Variants in PRELID2 observed in about 807,000 individuals in gnomAD.
The protein encoded by PRELID2 is PRELI domain-containing protein 2.
Under a neutral mutation model 28.4 loss-of-function variants are expected in PRELID2, and 25 were observed. The ratio of observed to expected loss-of-function variants is 0.88; its 90% confidence interval spans 0.64 to 1.23. The LOEUF (loss-of-function observed/expected upper bound fraction) is 1.23. PRELID2 is among the 50% of genes most tolerant of loss of function. The probability of loss-of-function intolerance (pLI) is 0.00; values close to 1 mark genes in which losing one functional copy is unlikely to be tolerated. For missense variants in PRELID2, 201 were observed against 214.4 expected (o/e 0.94, Z 0.39); for synonymous variants, 76 against 71.6 (o/e 1.06, Z -0.31).
chr5:145,248,745 C>T, the PRELID2 span, among the ~76,000 whole-genome samples: 2 of 151,770 alleles, frequency 1.3e-5, no homozygotes, highest in East Asian at 3.9e-4. Flanking sequence ...TGCAGTGAAC[C>T]GAGATCTCAC....
the PRELID2 span, among the ~76,000 whole-genome samples, chr5:145,298,677 A>C: frequency 6.6e-6 from 1 of 152,106 alleles, no homozygotes; most frequent in African/African-American, 2.4e-5. Context: ...GTACGTGTCA[A>C]GACAAATGCC....
the PRELID2 span, among the ~76,000 whole-genome samples, chr5:145,445,416 T>G: frequency 6.6e-6 from 1 of 152,028 alleles, no homozygotes; most frequent in Admixed American, 6.6e-5. Flanking sequence ...GAACTGAAAC[T>G]ATGAAACTAC....
the PRELID2 span, among the ~76,000 whole-genome samples, chr5:145,362,124 C>T: frequency 1.3e-5 from 2 of 152,270 alleles, no homozygotes; most frequent in Non-Finnish European, 1.5e-5. Flanking sequence ...TTGTTTAGTG[C>T]TGTGCTTATC....
chr5:145,826,275 A>G (rs77787203), intron 1 of PRELID2: 25,659 of 685,600 alleles, frequency 0.037, 544 homozygotes, highest in Non-Finnish European at 0.041. Flanking sequence ...GCAGGTTCAC[A>G]TGGGATTCTT....
intron 3 of PRELID2, 88 bp downstream of exon 3, chr5:145,819,857 C>T: frequency 1.2e-6 from 1 of 808,352 alleles, no homozygotes; most frequent in South Asian, 1.5e-5. Context: ...TTCTAACGCT[C>T]CTTTACATCA....
intron 1 of PRELID2, among the ~76,000 whole-genome samples, chr5:145,742,916 C>A (rs140495569): frequency 6.6e-6 from 1 of 152,072 alleles, no homozygotes; most frequent in Non-Finnish European, 1.5e-5. Flanking sequence ...TCACTAAAAA[C>A]CAGGCAGGAT....
the PRELID2 span, among the ~76,000 whole-genome samples, chr5:145,297,106 G>A: frequency 7.2e-4 from 109 of 152,124 alleles, no homozygotes; most frequent in Middle Eastern, 6.8e-3. Context: ...TTTGTCAGAT[G>A]AGTAGGTTGC....
At position 145,684,286 on chromosome 5, in the gene PRELID2, A is replaced by G. The variant is rs137883423; in HGVS notation, n.70+80645T>C. On this transcript the variant is annotated intron_variant and non_coding_transcript_variant, in intron 1 of 2. Coordinates refer to the PRELID2 transcript ENST00000510259. ...GGTTCTAGTCCAGGCTCAACAAACC[A>G]ATCTGAACTTTTACGCAATCAGAAT... Among the ~76,000 whole-genome samples the G allele has an allele frequency of 3.0e-3, 457 of 152,302 alleles. 2 individuals are homozygous for G. Among genetic ancestry groups the G allele is most frequent in the African/African-American group, 0.011 (442 of 41,584 alleles).
At chr5:145,301,694 T>C in the PRELID2 span, among the ~76,000 whole-genome samples, 1 of 152,154 alleles carries the variant, frequency 6.6e-6, no homozygotes, top group Non-Finnish European at 1.5e-5. Flanking sequence ...TGGTGTGAAG[T>C]AGGAGTTAAG....
At chr5:145,592,154 C>T (rs1489842686) in intron 1 of PRELID2, among the ~76,000 whole-genome samples, 5 of 152,272 alleles carry the variant, frequency 3.3e-5, no homozygotes, top group East Asian at 3.9e-4. Context: ...CGGTGGCTCA[C>T]GCCTGTAATC....
At chr5:145,269,570 T>A in the PRELID2 span, among the ~76,000 whole-genome samples, 1 of 151,804 alleles carries the variant, frequency 6.6e-6, no homozygotes, top group South Asian at 2.1e-4. Flanking sequence ...TTTGTGCCCT[T>A]GAGGTGGGCA....
In PRELID2 at chr5:145,759,962, T is replaced by C. The variant is rs1381278449; in HGVS notation, c.*574A>G. 2 of 152,184 alleles carry C rather than the reference T, an allele frequency of 1.3e-5. No homozygotes were observed. 9.4% of individuals were successfully genotyped at this position (152,184 alleles called of 1,614,324 possible). On this transcript the variant is annotated 3_prime_UTR_variant, in exon 7 of 7. Coordinates refer to ENST00000683046, the MANE Select transcript of PRELID2 (RefSeq NM_205846.3). ...ATGGCAGTTACATATTACTTATGGA[T>C]AGGATAAAAATCTCCTGATTTCTGA...
intron 1 of PRELID2, among the ~76,000 whole-genome samples, chr5:145,687,776 G>A (rs1303197318): frequency 6.6e-6 from 1 of 152,032 alleles, no homozygotes; most frequent in Admixed American, 6.6e-5. Context: ...CAAACTACCA[G>A]TATTTCCTAA....
At chr5:145,728,917 T>C in intron 1 of PRELID2, 1 of 857,040 alleles carries the variant, frequency 1.2e-6, no homozygotes, top group South Asian at 1.3e-5. Flanking sequence ...GCTGGCAAAA[T>C]ACAAGCTATC....
chr5:145,254,260 C>G, the PRELID2 span, among the ~76,000 whole-genome samples: 1 of 152,124 alleles, frequency 6.6e-6, no homozygotes, highest in East Asian at 1.9e-4. Flanking sequence ...CATATAGAGA[C>G]AGATGCTTAA....
chr5:145,301,035 C>T, the PRELID2 span, among the ~76,000 whole-genome samples: 20 of 151,946 alleles, frequency 1.3e-4, no homozygotes, highest in African/African-American at 4.6e-4. Context: ...CATACTTTTT[C>T]CCCCTTGCTT....
chr5:145,340,879 C>A, the PRELID2 span, among the ~76,000 whole-genome samples: 154 of 150,070 alleles, frequency 1.0e-3, 1 homozygote, highest in East Asian at 9.2e-3. Flanking sequence ...TCTAACACTG[C>A]CACCACTAGG....
chr5:145,382,006 C>A, the PRELID2 span, among the ~76,000 whole-genome samples: 2 of 150,032 alleles, frequency 1.3e-5, no homozygotes, highest in Non-Finnish European at 1.5e-5. Context: ...CATTGAATAA[C>A]TTTAAAGTGG....
chr5:145,463,306 C>T, the PRELID2 span, among the ~76,000 whole-genome samples: 2 of 149,240 alleles, frequency 1.3e-5, no homozygotes, highest in African/African-American at 4.9e-5. Flanking sequence ...AAGGATGTCT[C>T]CTAATCATTT....
Sources: gnomAD v4.1 joint callset for allele counts (sites outside exome capture counted in the v4.1 genomes callset) on GRCh38, gnomAD v4.1.1 for gene constraint, MANE v1.5 for transcripts, NCBI Gene and HGNC (gene_info 2026-07-23, HGNC 2026-07-21) for gene names.